The following FBXL17 variants were observed in gnomAD, a reference collection of about 807,000 sequenced individuals.
FBXL17 encodes the protein F-box and leucine rich repeat protein 17, also known as F-box/LRR-repeat protein 17.
In FBXL17, 22 loss-of-function variants were observed where a neutral mutation model predicts 66.2. That is an observed-to-expected ratio of 0.33 (90% CI 0.24 to 0.47). FBXL17 has a LOEUF of 0.47. Among genes scored for constraint, FBXL17 ranks in the 20% least tolerant of loss-of-function variants. The probability of loss-of-function intolerance (pLI) is 1.00; values close to 1 mark genes in which losing one functional copy is unlikely to be tolerated. For missense variants in FBXL17, 878 were observed against 948.2 expected, an observed-to-expected ratio of 0.93 and a Z score of 0.97; for synonymous variants, 474 against 400.5, an observed-to-expected ratio of 1.18 and a Z score of -2.19.
chr5:108,140,885 T>C (rs1453984097), intron 6 of FBXL17, among the ~76,000 whole-genome samples: 2 of 152,122 alleles, frequency 1.3e-5, no homozygotes, highest in Non-Finnish European at 2.9e-5. Flanking sequence ...CCTTCTAATT[T>C]TGAATTATTT....
chr5:107,941,275 T>A (rs1366651591), intron 7 of FBXL17, among the ~76,000 whole-genome samples: 1 of 152,114 alleles, frequency 6.6e-6, no homozygotes, highest in African/African-American at 2.4e-5. Context: ...AAAAAGGAAA[T>A]CAACCACTCA....
At chr5:108,080,679 G>C (rs1178540039) in intron 6 of FBXL17, among the ~76,000 whole-genome samples, 3 of 152,034 alleles carry the variant, frequency 2.0e-5, no homozygotes, top group African/African-American at 7.2e-5. Flanking sequence ...AGTCTGAAAA[G>C]GCAAGATAAC....
chr5:108,098,640 G>A (rs1749479580), intron 6 of FBXL17, among the ~76,000 whole-genome samples: 1 of 151,482 alleles, frequency 6.6e-6, no homozygotes, highest in South Asian at 2.1e-4. Flanking sequence ...AGCTACTCGG[G>A]AGGCTGAGGC....
intron 1 of FBXL17, among the ~76,000 whole-genome samples, chr5:108,371,544 G>T (rs1269680122): frequency 6.6e-6 from 1 of 152,052 alleles, no homozygotes; most frequent in Non-Finnish European, 1.5e-5. Context: ...CAAGAAAAAA[G>T]GAAATGAAAA....
At chr5:108,004,647 TG>T (rs998422016) in intron 7 of FBXL17, among the ~76,000 whole-genome samples, 8 of 152,236 alleles carry the variant, frequency 5.3e-5, no homozygotes, top group African/African-American at 1.7e-4. Flanking sequence ...GTTCTAGAGC[TG>T]GGAAAAACCA....
At chr5:108,240,625 G>A (rs1755814222) in intron 4 of FBXL17, among the ~76,000 whole-genome samples, 1 of 152,140 alleles carries the variant, frequency 6.6e-6, no homozygotes, top group South Asian at 2.1e-4. Flanking sequence ...CCAGGACCAT[G>A]GGGAACTTGC....
intron 4 of FBXL17, among the ~76,000 whole-genome samples, chr5:108,246,733 A>T (rs553186747): frequency 6.6e-6 from 1 of 152,366 alleles, no homozygotes; most frequent in East Asian, 1.9e-4. Context: ...CACATAATAT[A>T]AACTTGGTAA....
chr5:108,137,259 G>GA (rs1381514959), intron 6 of FBXL17, among the ~76,000 whole-genome samples: 1 of 152,162 alleles, frequency 6.6e-6, no homozygotes, highest in African/African-American at 2.4e-5. Flanking sequence ...TGACTCTATG[G>GA]AAATTGGTTA....
chr5:107,871,688 A>G (rs939625279), intron 8 of FBXL17, among the ~76,000 whole-genome samples: 1 of 152,080 alleles, frequency 6.6e-6, no homozygotes, highest in African/African-American at 2.4e-5. Context: ...CAGGATGGAG[A>G]AAGTTGCTTG....
In FBXL17 at chr5:108,183,040, T is replaced by C. The variant is rs1753072856; in HGVS notation, c.1745+3077A>G. On this transcript the variant is annotated intron_variant, in intron 6 of 8. Transcript: ENST00000542267. ...ATTGCAGAAACAGTTTTCTATTTTT[T>C]TTTTTTTTTTTTTTTTTGAGACAGA... 6.2e-5 allele frequency among the ~76,000 whole-genome samples: 9 copies of C among 146,228 alleles called. No individual in the cohort carries two copies. In the South Asian group the frequency reaches 1.8e-3, roughly 29 times the overall value.
intron 4 of FBXL17, among the ~76,000 whole-genome samples, chr5:108,272,378 G>A (rs968259442): frequency 2.0e-5 from 3 of 148,704 alleles, no homozygotes; most frequent in Non-Finnish European, 3.0e-5. Context: ...TTTTGAGACA[G>A]GGTCTCACTC....
At chr5:107,951,998 T>A (rs1417202417) in intron 7 of FBXL17, among the ~76,000 whole-genome samples, 1 of 152,186 alleles carries the variant, frequency 6.6e-6, no homozygotes, top group Non-Finnish European at 1.5e-5. Flanking sequence ...TAAATTCTCA[T>A]AAGAATAAAT....
chr5:108,063,409 G>A (rs1305779146), intron 6 of FBXL17, among the ~76,000 whole-genome samples: 1 of 152,120 alleles, frequency 6.6e-6, no homozygotes, highest in Admixed American at 6.5e-5. Context: ...GAAAGTCTTG[G>A]GTATTTCCAA....
intron 4 of FBXL17, among the ~76,000 whole-genome samples, chr5:108,235,691 T>C (rs1300934665): frequency 1.3e-5 from 2 of 152,212 alleles, no homozygotes; most frequent in African/African-American, 2.4e-5. Context: ...TGATCCCATC[T>C]CATCTAATTC....
At chr5:107,890,000 G>T (rs1030147873) in intron 7 of FBXL17, among the ~76,000 whole-genome samples, 9 of 152,062 alleles carry the variant, frequency 5.9e-5, no homozygotes, top group Non-Finnish European at 8.8e-5. Flanking sequence ...AGAATGTTAG[G>T]TTCCCCTGAC....
At position 108,033,936 on chromosome 5, in the gene FBXL17, C is replaced by A. The variant is rs116565913; in HGVS notation, c.1746-12935G>T. Among the ~76,000 whole-genome samples the A allele has an allele frequency of 5.5e-3, 835 of 152,136 alleles. 6 individuals carry two copies. The highest frequency in any genetic ancestry group is 0.019 in the African/African-American group (802 of 41,506). Reference sequence around the variant, plus strand: ...ATTGGGTAATATTTTTAAAGTAATTCATATACTTCCTGAATTTTGAAAAAG... The same window carrying A: ...ATTGGGTAATATTTTTAAAGTAATTAATATACTTCCTGAATTTTGAAAAAG... On this transcript the variant is annotated intron_variant, in intron 6 of 8. Coordinates refer to ENST00000542267, the MANE Select transcript of FBXL17 (RefSeq NM_001163315.3).
chr5:108,072,898 C>G (rs1030181033), intron 6 of FBXL17, among the ~76,000 whole-genome samples: 4 of 152,092 alleles, frequency 2.6e-5, no homozygotes, highest in Non-Finnish European at 4.4e-5. Flanking sequence ...CCTATAGTTA[C>G]ACAAATAAAA....
chr5:108,298,934 T>C (rs1415017479), intron 4 of FBXL17: 1 of 947,240 alleles, frequency 1.1e-6, no homozygotes, highest in African/African-American at 1.8e-5. Flanking sequence ...ATTTAAATAA[T>C]ATTATTTACT....
intron 1 of FBXL17, among the ~76,000 whole-genome samples, chr5:108,379,096 C>T (rs1399238514): frequency 1.3e-5 from 2 of 152,096 alleles, no homozygotes; most frequent in Non-Finnish European, 2.9e-5. Context: ...GAGAACAACG[C>T]GGTATAGGAT....
Sources: gnomAD v4.1 joint callset for allele counts (sites outside exome capture counted in the v4.1 genomes callset) on GRCh38, gnomAD v4.1.1 for gene constraint, MANE v1.5 for transcripts, NCBI Gene and HGNC (gene_info 2026-07-23, HGNC 2026-07-21) for gene names.